ITCH: variants seen among roughly 807,000 people sequenced by gnomAD.
The protein encoded by ITCH is E3 ubiquitin-protein ligase Itchy homolog.
In ITCH, 28 loss-of-function variants were observed where a neutral mutation model predicts 126.8. The observed-to-expected ratio is 0.22, with a 90% CI of 0.16 to 0.30. The LOEUF is 0.30. ITCH is among the 10% of genes least tolerant of loss of function. The pLI is 1.00. For missense variants in ITCH, 631 were observed against 1,032.4 expected (o/e 0.61, Z 5.33); for synonymous variants, 342 against 340.0 (o/e 1.01, Z -0.06).
At chr20:34,486,062 T>C (rs759890760) in intron 20 of ITCH, among the ~76,000 whole-genome samples, 1 of 152,152 alleles carries the variant, frequency 6.6e-6, no homozygotes, top group Non-Finnish European at 1.5e-5. Flanking sequence ...TTGCCCAGGT[T>C]GGAGCGTAGT....
intron 6 of ITCH, 146 bp downstream of exon 6, chr20:34,414,025 C>T (rs1653901289): frequency 1.5e-6 from 1 of 676,246 alleles, no homozygotes; most frequent in South Asian, 1.9e-5. Context: ...CGCCTCTAAT[C>T]CCAGCACTTT....
In ITCH at chr20:34,401,075, A is replaced by G. The variant is rs769012923; in HGVS notation, c.70+7194A>G. On this transcript the variant is annotated intron_variant, in intron 3 of 24. Transcript: ENST00000374864. ...TTCCCAGCCAATTTTTAAATTTTTT[A>G]TAAAGACACATTCTCATTGTGTTGC... Among the ~76,000 whole-genome samples the G allele has an allele frequency of 2.6e-5, 4 of 152,038 alleles. 1 individual carries two copies. Among genetic ancestry groups the G allele is most frequent in the Non-Finnish European group, 5.9e-5 (4 of 68,000 alleles).
intron 9 of ITCH, among the ~76,000 whole-genome samples, chr20:34,441,199 G>A (rs2146289494): frequency 6.6e-6 from 1 of 152,188 alleles, no homozygotes; most frequent in Non-Finnish European, 1.5e-5. Context: ...TTGAACCTGG[G>A]AGGCAGAGGT....
At chr20:34,370,914 A>G (rs572251372) in intron 2 of ITCH, among the ~76,000 whole-genome samples, 1 of 152,236 alleles carries the variant, frequency 6.6e-6, no homozygotes, top group Admixed American at 6.6e-5. Context: ...CACGCCTGTA[A>G]TTCCAGCACT....
intron 6 of ITCH, among the ~76,000 whole-genome samples, chr20:34,414,207 A>AT (rs1234175826): frequency 2.0e-5 from 3 of 151,556 alleles, no homozygotes; most frequent in Non-Finnish European, 4.4e-5. Context: ...CACTTTAAAC[A>AT]TTTTCTTTTT....
In ITCH at chr20:34,394,602, C is replaced by T. The variant is rs997215042; in HGVS notation, c.70+721C>T. Among the ~76,000 whole-genome samples the T allele has an allele frequency of 3.7e-4, 56 of 152,174 alleles. 1 individual carries two copies. The highest frequency in any genetic ancestry group is 1.2e-3 in the East Asian group (6 of 5,168). Reference sequence around the variant, plus strand: ...CTCACTATAATGCCCAGGCTGGTTTCGAACACCTGGGCTTAAATGATCCTC... The same window carrying T: ...CTCACTATAATGCCCAGGCTGGTTTTGAACACCTGGGCTTAAATGATCCTC... On this transcript the variant is annotated intron_variant, in intron 3 of 24. Coordinates refer to ENST00000374864, the MANE Select transcript of ITCH (RefSeq NM_031483.7).
At chr20:34,504,512 A>G in intron 24 of ITCH, 109 bp downstream of exon 24, 2 of 756,942 alleles carry the variant, frequency 2.6e-6, no homozygotes, top group Non-Finnish European at 4.7e-6. Context: ...ACAGAATAGC[A>G]CAGCCATCAT....
intron 17 of ITCH, among the ~76,000 whole-genome samples, chr20:34,478,104 T>TA (rs2146458277): frequency 6.6e-6 from 1 of 152,324 alleles, no homozygotes; most frequent in South Asian, 2.1e-4. Context: ...AACCTTGTGA[T>TA]ACAGAATTTT....
intron 22 of ITCH, among the ~76,000 whole-genome samples, chr20:34,491,500 C>T (rs1287984729): frequency 6.6e-6 from 1 of 152,088 alleles, no homozygotes; most frequent in African/African-American, 2.4e-5. Flanking sequence ...TGTGAATGTA[C>T]TTAATGTCAT....
chr20:34,453,949 G>T (rs1455039130), intron 12 of ITCH, among the ~76,000 whole-genome samples: 1 of 151,528 alleles, frequency 6.6e-6, no homozygotes, highest in Non-Finnish European at 1.5e-5. Context: ...AGCTGAGATC[G>T]CGCCACTGCA....
chr20:34,409,148 C>T (rs565262542), intron 4 of ITCH, among the ~76,000 whole-genome samples: 1 of 137,404 alleles, frequency 7.3e-6, no homozygotes, highest in African/African-American at 2.7e-5. Flanking sequence ...CTCCCCCCCC[C>T]CCCGGTTTTT....
intron 3 of ITCH, among the ~76,000 whole-genome samples, chr20:34,397,432 A>C (rs1304373141): frequency 6.6e-6 from 1 of 152,088 alleles, no homozygotes; most frequent in Non-Finnish European, 1.5e-5. Context: ...CTCTCCCTTT[A>C]ATTTGATAGC....
chr20:34,477,253 G>A (rs975104449), intron 16 of ITCH, among the ~76,000 whole-genome samples: 1 of 152,146 alleles, frequency 6.6e-6, no homozygotes, highest in Non-Finnish European at 1.5e-5. Context: ...AATCACGGCC[G>A]GGCATGATGG....
At chr20:34,474,909 G>A (rs1450569568) in intron 16 of ITCH, among the ~76,000 whole-genome samples, 2 of 151,806 alleles carry the variant, frequency 1.3e-5, no homozygotes, top group African/African-American at 4.8e-5. Context: ...CGGGGCGGTT[G>A]CCAGGCAGAG....
At chr20:34,364,528 C>T (rs1035140703) in intron 1 of ITCH, among the ~76,000 whole-genome samples, 1 of 151,876 alleles carries the variant, frequency 6.6e-6, no homozygotes, top group African/African-American at 2.4e-5. Context: ...GGCAGATCTG[C>T]TGAGAGCTTG....
intron 2 of ITCH, among the ~76,000 whole-genome samples, chr20:34,386,676 A>G (rs2038295086): frequency 6.6e-6 from 1 of 152,226 alleles, no homozygotes; most frequent in South Asian, 2.1e-4. Flanking sequence ...CTAAGTCACA[A>G]TAGATGTGGC....
At chr20:34,388,060 A>C (rs2146050256) in intron 2 of ITCH, among the ~76,000 whole-genome samples, 1 of 152,062 alleles carries the variant, frequency 6.6e-6, no homozygotes, top group South Asian at 2.1e-4. Context: ...TTACAGTGCT[A>C]AGTAAAGCTA....
rs1555789565 is a variant in ITCH, at chr20:34,510,470, T to TA, written c.*2677dup. ...TTTTTTTTTTTTTTTTTTTTTTTTT[T>TA]ACTGCATGTTACATTGAAATAAAAA... On this transcript the variant is annotated 3_prime_UTR_variant, in exon 25 of 25. Transcript: ENST00000374864. The TA allele has an allele frequency of 8.9e-6, 1 of 112,456 alleles. No individual in the cohort carries two copies. The highest frequency in any genetic ancestry group is 2.4e-4 in the East Asian group (1 of 4,210). 7.0% of individuals were successfully genotyped at this position (112,456 alleles called of 1,614,324 possible). A position where few individuals can be genotyped will look rare whatever the true frequency, so the allele number is the denominator to read the frequency against.
chr20:34,467,639 C>T (rs1459752916), intron 14 of ITCH, among the ~76,000 whole-genome samples: 2 of 149,502 alleles, frequency 1.3e-5, no homozygotes, highest in African/African-American at 4.9e-5. Flanking sequence ...TATTCAAATT[C>T]ATTCATAAAA....
Sources: allele counts gnomAD v4.1 joint callset (sites outside exome capture counted in the v4.1 genomes callset), GRCh38; gene constraint gnomAD v4.1.1; transcripts MANE v1.5; gene names NCBI Gene and HGNC (gene_info 2026-07-23, HGNC 2026-07-21).